Variants in DSG2 observed in about 807,000 individuals in gnomAD.
The protein encoded by DSG2 is desmoglein 2.
Under a neutral mutation model 75.6 loss-of-function variants are expected in DSG2, and 45 were observed. The ratio of observed to expected loss-of-function variants is 0.60; its 90% CI spans 0.47 to 0.76. The LOEUF is 0.76. Among genes scored for constraint, DSG2 ranks in the 30% least tolerant of loss-of-function variants. The pLI is 0.00. For missense variants in DSG2, 1,267 were observed against 1,357.4 expected, an observed-to-expected ratio of 0.93 and a Z score of 1.05; for synonymous variants, 429 against 483.9, an observed-to-expected ratio of 0.89 and a Z score of 1.49.
chr18:31,508,431 T>C (rs2073050199), intron 1 of DSG2, among the ~76,000 whole-genome samples: 1 of 151,986 alleles, frequency 6.6e-6, no homozygotes. Context: ...TCTCATTCCG[T>C]CACCCAGGCT....
At chr18:31,536,149 T>C in intron 10 of DSG2, 53 bp from the exon 11 acceptor site, 1 of 1,561,074 alleles carries the variant, frequency 6.4e-7, no homozygotes, top group East Asian at 2.3e-5. Context: ...AAACTATGTC[T>C]GTTGTCAGCA....
intron 14 of DSG2, 106 bp downstream of exon 14, chr18:31,542,958 G>T: frequency 6.2e-6 from 6 of 969,372 alleles, no homozygotes; most frequent in South Asian, 2.2e-5. Flanking sequence ...TGAGACTTTG[G>T]GTTTTTTTTT....
chr18:31,511,144 G>A (rs190224164), intron 1 of DSG2, among the ~76,000 whole-genome samples: 30 of 152,142 alleles, frequency 2.0e-4, no homozygotes, highest in African/African-American at 6.8e-4. Flanking sequence ...TCCTGACCCT[G>A]GTTATTACAG....
chr18:31,534,864 A>G (rs906602048), intron 9 of DSG2, among the ~76,000 whole-genome samples: 5 of 152,212 alleles, frequency 3.3e-5, no homozygotes, highest in Non-Finnish European at 5.9e-5. Context: ...AACGCCCCCA[A>G]TAAACAACAG....
rs1393096287 is a variant in DSG2, at chr18:31,546,062, A to T, written c.2676A>T (p.Lys892Asn). 2 of 1,614,102 alleles carry T rather than the reference A, an allele frequency of 1.2e-6. No individual in the cohort carries two copies. Among genetic ancestry groups the T allele is most frequent in the Non-Finnish European group, 1.7e-6 (2 of 1,180,046 alleles). ...CTGGCAGTAGCTTCCCAGTTCCAAA[A>T]TCTTTGCAAGAAGCCAATGCAGAGA... is the stretch of plus-strand genomic sequence containing the variant. ...YSSGSSFPVP[K>N]SLQEANAEKV... The change falls in exon 15 of 15, where the codon AAA becomes AAT. Residue 892 changes from lysine (K) to asparagine (N), a missense_variant. By Grantham distance (94) the Lys-to-Asn change is moderately conservative. Coordinates refer to ENST00000261590, the MANE Select transcript of DSG2 (RefSeq NM_001943.5).
chr18:31,529,250 C>T (rs1347119870), intron 8 of DSG2, among the ~76,000 whole-genome samples: 1 of 152,110 alleles, frequency 6.6e-6, no homozygotes, highest in East Asian at 1.9e-4. Context: ...TGAAAATTTT[C>T]CATTTGCTTT....
intron 8 of DSG2, among the ~76,000 whole-genome samples, chr18:31,527,265 A>G (rs1191061592): frequency 6.6e-6 from 1 of 152,244 alleles, no homozygotes; most frequent in Admixed American, 6.5e-5. Context: ...GCAATAGGCT[A>G]TACCATATAG....
At chr18:31,519,235 C>G (rs754832415) in intron 2 of DSG2, among the ~76,000 whole-genome samples, 23 of 152,160 alleles carry the variant, frequency 1.5e-4, no homozygotes, top group Admixed American at 1.4e-3. Flanking sequence ...AACTCTCACT[C>G]TGGGAAATCA....
chr18:31,541,399 A>G, intron 13 of DSG2, 85 bp downstream of exon 13: 1 of 1,504,250 alleles, frequency 6.6e-7, no homozygotes, highest in South Asian at 1.2e-5. Flanking sequence ...TGTTTGGTTG[A>G]GTGAGTAAAG....
intron 8 of DSG2, among the ~76,000 whole-genome samples, chr18:31,526,005 G>A (rs764468144): frequency 3.9e-5 from 6 of 152,026 alleles, no homozygotes; most frequent in African/African-American, 7.2e-5. Flanking sequence ...TTAGCCAAGC[G>A]TGGTGGTGCA....
intron 10 of DSG2, 83 bp downstream of exon 10, chr18:31,535,495 T>C (rs1180507032): frequency 7.5e-7 from 1 of 1,331,226 alleles, no homozygotes; most frequent in African/African-American, 1.5e-5. Flanking sequence ...GATTTGATTG[T>C]GTATAAAAAC....
rs573784108 is a variant in DSG2 at position 31,524,245 on chromosome 18, A to G, written c.691-203A>G. Reference sequence around the variant, plus strand: ...CAATGACTTATTGAAGAATTTGACTATCTACAACTCCCGAGGCTTTTCTGT... The same window carrying G: ...CAATGACTTATTGAAGAATTTGACTGTCTACAACTCCCGAGGCTTTTCTGT... On this transcript the variant is annotated intron_variant, in intron 6 of 14. Coordinates refer to ENST00000261590, the MANE Select transcript of DSG2 (RefSeq NM_001943.5). Among the ~76,000 whole-genome samples, 189 of 152,356 alleles carry G rather than the reference A, an allele frequency of 1.2e-3. 1 individual carries two copies. The highest frequency in any genetic ancestry group is 4.2e-3 in the African/African-American group (175 of 41,588).
intron 3 of DSG2, 44 bp downstream of exon 3, chr18:31,519,981 ATG>A (rs751577437): frequency 7.4e-6 from 12 of 1,612,864 alleles, no homozygotes; most frequent in Admixed American, 1.7e-5. Context: ...TATGACTAAA[ATG>A]TGGTGTGAGA....
At chr18:31,516,108 A>G (rs1201922666) in intron 1 of DSG2, among the ~76,000 whole-genome samples, 2 of 152,078 alleles carry the variant, frequency 1.3e-5, no homozygotes, top group African/African-American at 4.8e-5. Flanking sequence ...ATATAGAGCA[A>G]TAGATTGTTA....
chr18:31,524,445 C>T lies in DSG2; in HGVS notation c.691-3C>T. The T allele has an allele frequency of 6.2e-7, 1 of 1,614,098 alleles. No individual in the cohort carries two copies. Among genetic ancestry groups the T allele is most frequent in the Non-Finnish European group, 8.5e-7 (1 of 1,180,004 alleles). ...CAGCTGGACATTTTTCATTGCTCTG[C>T]AGGAACACAGCAGCTACACTTTGAC... On this transcript the variant is annotated splice_region_variant and splice_polypyrimidine_tract_variant and intron_variant, in intron 6 of 14. Coordinates refer to ENST00000261590, the MANE Select transcript of DSG2 (RefSeq NM_001943.5).
chr18:31,505,656 C>CTT (rs558578470), intron 1 of DSG2, among the ~76,000 whole-genome samples: 70 of 136,066 alleles, frequency 5.1e-4, no homozygotes, highest in African/African-American at 1.2e-3. Context: ...ATTTTTTTTT[C>CTT]TTTTTTTTTT....
chr18:31,519,084 G>A (rs1034106034), intron 2 of DSG2, among the ~76,000 whole-genome samples: 1 of 152,078 alleles, frequency 6.6e-6, no homozygotes, highest in Non-Finnish European at 1.5e-5. Flanking sequence ...AAAACATTTA[G>A]TAATTTATTT....
At chr18:31,529,501 T>C (rs2073181796) in intron 8 of DSG2, among the ~76,000 whole-genome samples, 1 of 152,194 alleles carries the variant, frequency 6.6e-6, no homozygotes, top group African/African-American at 2.4e-5. Flanking sequence ...GGATGTATTT[T>C]CTCTAGTCTT....
At chr18:31,522,783 G>A (rs1056766901) in intron 6 of DSG2, among the ~76,000 whole-genome samples, 8 of 152,210 alleles carry the variant, frequency 5.3e-5, no homozygotes, top group African/African-American at 1.9e-4. Flanking sequence ...CGGCTAGTAC[G>A]TAGGAGGCAG....
Sources: gnomAD v4.1 joint callset for allele counts (sites outside exome capture counted in the v4.1 genomes callset) on GRCh38, gnomAD v4.1.1 for gene constraint, MANE v1.5 for transcripts, NCBI Gene and HGNC (gene_info 2026-07-23, HGNC 2026-07-21) for gene names.